The following PDZD9 variants were observed in gnomAD, a reference collection of about 807,000 sequenced individuals.
PDZD9 encodes the protein PDZ domain-containing protein 9.
Under a neutral mutation model 16.3 loss-of-function variants are expected in PDZD9, and 13 were observed. The observed-to-expected ratio is 0.80, with a 90% CI of 0.52 to 1.27. The LOEUF is 1.27. Among genes scored for constraint, PDZD9 ranks in the 50% most tolerant of loss-of-function variants. PDZD9 has a pLI of 0.00. For synonymous variants in PDZD9, 120 were observed against 111.0 expected (o/e 1.08, Z -0.51); for missense variants, 288 against 310.9 (o/e 0.93, Z 0.55).
chr16:21,980,509 T>C (rs1244969796), downstream of PDZD9: 1 of 1,595,464 alleles, frequency 6.3e-7, no homozygotes, highest in African/African-American at 1.4e-5. Flanking sequence ...AATAATTGCC[T>C]TGCTCTCTAA....
chr16:21,961,626 T>TTATATA, the PDZD9 span, among the ~76,000 whole-genome samples: 2,113 of 63,908 alleles, frequency 0.033, 103 homozygotes, highest in Non-Finnish European at 0.052. Flanking sequence ...AACATAAAAT[T>TTATATA]TATATATATA....
chr16:21,970,133 C>T, the PDZD9 span, among the ~76,000 whole-genome samples: 3 of 152,300 alleles, frequency 2.0e-5, no homozygotes, highest in Admixed American at 6.5e-5. Flanking sequence ...CATATTGTAG[C>T]ATGTGTCAAT....
At chr16:21,976,059 C>G in the PDZD9 span, 1 of 700,048 alleles carries the variant, frequency 1.4e-6, no homozygotes, top group Non-Finnish European at 2.5e-6. Flanking sequence ...TGCTGTTTGT[C>G]TGGAACTAAC....
the PDZD9 span, among the ~76,000 whole-genome samples, chr16:21,969,639 A>C: frequency 6.6e-6 from 1 of 152,104 alleles, no homozygotes; most frequent in African/African-American, 2.4e-5. Flanking sequence ...TGAGAATATC[A>C]TTTGTAATAT....
At chr16:21,976,710 T>C in the PDZD9 span, 1 of 152,782 alleles carries the variant, frequency 6.5e-6, no homozygotes, top group Non-Finnish European at 1.5e-5. Flanking sequence ...CAAACAAACA[T>C]AAGTCAAACC....
the PDZD9 span, chr16:21,965,463 G>T: frequency 6.2e-7 from 1 of 1,613,724 alleles, no homozygotes; most frequent in Non-Finnish European, 8.5e-7. Context: ...CTAATCCCTT[G>T]TATTGTCCTG....
the PDZD9 span, chr16:21,973,902 G>T: frequency 6.2e-7 from 1 of 1,612,546 alleles, no homozygotes; most frequent in Non-Finnish European, 8.5e-7. Flanking sequence ...TCAGGTTTCT[G>T]CATTTAATGC....
downstream of PDZD9, chr16:21,983,433 A>G: frequency 2.2e-6 from 1 of 446,232 alleles, no homozygotes; most frequent in Non-Finnish European, 3.9e-6. Flanking sequence ...TTTAAAGGAG[A>G]CAGGAATATA....
chr16:21,973,848 T>C, the PDZD9 span: 1 of 1,557,992 alleles, frequency 6.4e-7, no homozygotes, highest in Non-Finnish European at 8.8e-7. Context: ...AATCGTGCCC[T>C]GTTTTACTTG....
the PDZD9 span, chr16:21,973,856 T>G: frequency 2.5e-6 from 4 of 1,586,942 alleles, no homozygotes; most frequent in African/African-American, 5.4e-5. Context: ...CCTGTTTTAC[T>G]TGGTAGAATA....
chr16:21,972,057 A>G, the PDZD9 span: 1 of 1,614,168 alleles, frequency 6.2e-7, no homozygotes, highest in African/African-American at 1.3e-5. Flanking sequence ...ACATGTCAAG[A>G]GGGGCAGCAA....
At chr16:21,971,692 G>C in the PDZD9 span, 1 of 1,449,276 alleles carries the variant, frequency 6.9e-7, no homozygotes, top group Non-Finnish European at 9.6e-7. Flanking sequence ...TATTGAGGTG[G>C]AATAGGCCTG....
chr16:21,967,480 C>T, the PDZD9 span, among the ~76,000 whole-genome samples: 8 of 151,576 alleles, frequency 5.3e-5, no homozygotes, highest in Non-Finnish European at 1.2e-4. Context: ...TTTCACCCAT[C>T]TGGAAAGGAT....
chr16:21,980,490 G>GA (rs141408124), downstream of PDZD9: 119,963 of 1,399,498 alleles, frequency 0.086, 2,485 homozygotes, highest in South Asian at 0.11. Flanking sequence ...CCACCACTCA[G>GA]AAAAAAAAAA....
the PDZD9 span, among the ~76,000 whole-genome samples, chr16:21,960,067 A>G: frequency 1.3e-5 from 2 of 152,208 alleles, no homozygotes; most frequent in South Asian, 2.1e-4. Context: ...CACCAGCTGC[A>G]TTAGTCCCCA....
At chr16:21,980,539 T>C (rs776939980), downstream of PDZD9, 5 of 1,609,142 alleles carry the variant, frequency 3.1e-6, no homozygotes, top group Admixed American at 1.7e-5. Context: ...CTGCCTTTTA[T>C]TGGACAGGAA....
In PDZD9 at chr16:21,984,492, C is replaced by T. The variant is rs1198867318; in HGVS notation, c.570G>A (p.Lys190=). The change falls in exon 4 of 4, where the codon AAG becomes AAA. Residue 190 remains lysine, a synonymous_variant. Transcript: ENST00000424898. ...ISISRDWHGY[K]KKNHTISVGK... ...CTACACTAATAGTATGGTTCTTCTT[C>T]TTATATCCATGCCAGTCTCTGGAGA... 2 of 1,610,666 alleles carry T rather than the reference C, an allele frequency of 1.2e-6. No individual in the cohort carries two copies. The highest frequency in any genetic ancestry group is 3.3e-5 in the Admixed American group (2 of 59,960).
At chr16:21,992,374 G>A (rs1899044707) in intron 2 of PDZD9, among the ~76,000 whole-genome samples, 1 of 152,168 alleles carries the variant, frequency 6.6e-6, no homozygotes, top group Non-Finnish European at 1.5e-5. Context: ...AGGTGTGACG[G>A]TTAATATTGT....
chr16:21,970,128 T>A, the PDZD9 span, among the ~76,000 whole-genome samples: 3 of 152,226 alleles, frequency 2.0e-5, no homozygotes, highest in African/African-American at 7.2e-5. Context: ...CCGTCCATAT[T>A]GTAGCATGTG....
Sources: gnomAD v4.1 joint callset for allele counts (sites outside exome capture counted in the v4.1 genomes callset) on GRCh38, gnomAD v4.1.1 for gene constraint, MANE v1.5 for transcripts, NCBI Gene and HGNC (gene_info 2026-07-23, HGNC 2026-07-21) for gene names.